The following TLE1 variants were observed in gnomAD, a reference collection of about 807,000 sequenced individuals.
TLE1 encodes TLE family member 1, transcriptional corepressor.
A neutral mutation model predicts 89.8 loss-of-function variants in TLE1; 21 were observed. The observed-to-expected ratio is 0.23, with a 90% CI of 0.17 to 0.34. TLE1 has a LOEUF of 0.34. TLE1 is among the 10% of genes least tolerant of loss of function. The pLI is 1.00. For missense variants in TLE1, 795 were observed against 1,031.2 expected, an observed-to-expected ratio of 0.77 and a Z score of 3.14; for synonymous variants, 447 against 407.6, an observed-to-expected ratio of 1.10 and a Z score of -1.16.
chr9:81,616,553 G>C, intron 10 of TLE1, 93 bp downstream of exon 10: 1 of 1,379,732 alleles, frequency 7.2e-7, no homozygotes, highest in Non-Finnish European at 1.0e-6. Flanking sequence ...TCCCCCCACC[G>C]AGGGGCTCTA....
At chr9:81,622,388 A>G (rs1825378571) in intron 8 of TLE1, among the ~76,000 whole-genome samples, 1 of 152,138 alleles carries the variant, frequency 6.6e-6, no homozygotes, top group Non-Finnish European at 1.5e-5. Context: ...TGCTGTCATC[A>G]GCACTGCGCA....
At chr9:81,593,490 T>C (rs1829824260) in intron 14 of TLE1, among the ~76,000 whole-genome samples, 1 of 152,202 alleles carries the variant, frequency 6.6e-6, no homozygotes, top group Non-Finnish European at 1.5e-5. Context: ...ATGACATATA[T>C]ATTGAACTGT....
chr9:81,685,193 C>CT (rs1834105344), intron 4 of TLE1, among the ~76,000 whole-genome samples: 1 of 147,644 alleles, frequency 6.8e-6, no homozygotes, highest in Non-Finnish European at 1.5e-5. Flanking sequence ...CTGACTATTG[C>CT]TTCATGCAGC....
rs922371191 is a variant in TLE1 at position 81,688,314 on chromosome 9, G to A, written c.-74C>T. 4.7e-5 allele frequency: 67 copies of A among 1,433,854 alleles called. No homozygotes were observed. The highest frequency in any genetic ancestry group is 3.6e-4 in the African/African-American group (24 of 66,108). 88.8% of individuals were successfully genotyped at this position (1,433,854 alleles called of 1,614,324 possible). ...GTCAATTTCCAACTTTAATCCCGCC[G>A]AGGAAAATTAAGCCGGAAAGCCAAG... On this transcript the variant is annotated 5_prime_UTR_variant, in exon 1 of 20. Coordinates refer to ENST00000376499, the MANE Select transcript of TLE1 (RefSeq NM_005077.5).
In TLE1 at chr9:81,590,952, G is replaced by A. The variant is rs796655137; in HGVS notation, c.1682C>T (p.Ala561Val). The A allele has an allele frequency of 6.2e-7, 1 of 1,614,272 alleles. No individual in the cohort carries two copies. Among genetic ancestry groups the A allele is most frequent in the Non-Finnish European group, 8.5e-7 (1 of 1,180,056 alleles). The change falls in exon 16 of 20, where the codon GCT becomes GTT. Residue 561 changes from alanine to valine, a missense_variant. Physicochemically the swap from Ala to Val is moderately conservative, Grantham distance 64. This residue lies in a region of TLE1 where 214 missense variants were observed against 354.9 expected (regional missense o/e 0.60). Coordinates refer to ENST00000376499, the MANE Select transcript of TLE1 (RefSeq NM_005077.5). ...CTCCGCCTTGATGCGCGGGGTTGGAGCCGCCAGGTCCCAAATGGACAAAGT... is the reference window on the plus strand; with the variant it reads ...CTCCGCCTTGATGCGCGGGGTTGGAACCGCCAGGTCCCAAATGGACAAAGT... ...ASTLSIWDLA[A>V]PTPRIKAELT... is the part of the protein sequence containing the mutation.
intron 5 of TLE1, among the ~76,000 whole-genome samples, chr9:81,653,241 T>C (rs1212564257): frequency 2.0e-5 from 3 of 152,188 alleles, no homozygotes; most frequent in Non-Finnish European, 4.4e-5. Flanking sequence ...GGATACCCAG[T>C]ATTCCAACTC....
chr9:81,680,936 A>C (rs1349630214), intron 4 of TLE1, among the ~76,000 whole-genome samples: 1 of 150,898 alleles, frequency 6.6e-6, no homozygotes, highest in Non-Finnish European at 1.5e-5. Flanking sequence ...GGTTAAAAAA[A>C]AAAAACAAAA....
At chr9:81,673,451 G>A (rs1211983728) in intron 4 of TLE1, among the ~76,000 whole-genome samples, 1 of 152,036 alleles carries the variant, frequency 6.6e-6, no homozygotes, top group African/African-American at 2.4e-5. Context: ...AAGTATCAGT[G>A]AAGCATGGCC....
intron 12 of TLE1, 99 bp downstream of exon 12, chr9:81,613,278 T>C (rs142098069): frequency 8.0e-6 from 12 of 1,499,892 alleles, no homozygotes; most frequent in Non-Finnish European, 9.0e-7. Flanking sequence ...TACGTACATT[T>C]CATATTTGTA....
intron 8 of TLE1, among the ~76,000 whole-genome samples, chr9:81,622,572 G>C (rs765033736): frequency 3.9e-5 from 6 of 152,200 alleles, no homozygotes; most frequent in Non-Finnish European, 5.9e-5. Context: ...CTTTAAGACT[G>C]TCAAGCTTTG....
chr9:81,677,244 C>T (rs998358524), intron 4 of TLE1, among the ~76,000 whole-genome samples: 2 of 147,988 alleles, frequency 1.4e-5, no homozygotes, highest in African/African-American at 5.0e-5. Flanking sequence ...CTTCCCCCCC[C>T]CAAAAAAAAG....
chr9:81,644,698 A>C (rs905273327), intron 6 of TLE1, among the ~76,000 whole-genome samples: 9 of 152,230 alleles, frequency 5.9e-5, no homozygotes, highest in African/African-American at 2.2e-4. Context: ...GTATGCTTTA[A>C]AAAAGACGAA....
chr9:81,674,550 G>A (rs1832650314), intron 4 of TLE1, among the ~76,000 whole-genome samples: 1 of 152,202 alleles, frequency 6.6e-6, no homozygotes, highest in Non-Finnish European at 1.5e-5. Flanking sequence ...TTCAAAATCA[G>A]AGTCCTTTTG....
intron 4 of TLE1, among the ~76,000 whole-genome samples, chr9:81,674,909 C>G (rs1408012945): frequency 2.0e-5 from 3 of 152,098 alleles, no homozygotes; most frequent in African/African-American, 7.2e-5. Context: ...AATCCCAGCC[C>G]TTTGGGAGGC....
At chr9:81,622,324 G>C (rs1288204948) in intron 8 of TLE1, among the ~76,000 whole-genome samples, 2 of 152,186 alleles carry the variant, frequency 1.3e-5, no homozygotes, top group Non-Finnish European at 2.9e-5. Context: ...CAGAGGCTGG[G>C]TGTGCTGACC....
At chr9:81,656,079 A>G (rs143188345) in intron 4 of TLE1, among the ~76,000 whole-genome samples, 5 of 152,260 alleles carry the variant, frequency 3.3e-5, no homozygotes, top group Non-Finnish European at 7.4e-5. Flanking sequence ...TAGAAGGGGA[A>G]ATGACTGGTA....
At chr9:81,588,046 C>G (rs1292124148) in intron 16 of TLE1, among the ~76,000 whole-genome samples, 1 of 151,922 alleles carries the variant, frequency 6.6e-6, no homozygotes, top group Non-Finnish European at 1.5e-5. Context: ...TTCCACGATC[C>G]AAGTGCTAAA....
intron 14 of TLE1, among the ~76,000 whole-genome samples, chr9:81,596,525 C>T (rs1830236813): frequency 6.6e-6 from 1 of 152,054 alleles, no homozygotes. Context: ...CTCATCATGA[C>T]CATGGTGAAG....
rs1333877747 is a variant in TLE1 at position 81,614,439 on chromosome 9, C to T, written c.919-918G>A. Among the ~76,000 whole-genome samples the T allele has an allele frequency of 2.6e-5, 4 of 152,156 alleles. No individual in the cohort carries two copies. The East Asian group carries it at 7.7e-4, about 29-fold the overall frequency. ...CACCAGCAAGGGGCCTTTCGGAGAC[C>T]AGACAGTAACAGGGTTACAGGGCAC... On this transcript the variant is annotated intron_variant, in intron 11 of 19. Transcript: ENST00000376499.
Sources: allele counts gnomAD v4.1 joint callset (sites outside exome capture counted in the v4.1 genomes callset), GRCh38; gene constraint gnomAD v4.1.1; regional missense constraint gnomAD v4.1.1; transcripts MANE v1.5; gene names NCBI Gene and HGNC (gene_info 2026-07-23, HGNC 2026-07-21).